SI: variants seen among roughly 807,000 people sequenced by gnomAD.
The protein encoded by SI is sucrase-isomaltase.
A neutral mutation model predicts 253.3 loss-of-function variants in SI; 235 were observed. The ratio of observed to expected loss-of-function variants is 0.93; its 90% confidence interval spans 0.83 to 1.03. The LOEUF (loss-of-function observed/expected upper bound fraction) is 1.03, where lower values mean the gene tolerates loss of function less well. Among genes scored for constraint, SI ranks in the 50% least tolerant of loss-of-function variants. The probability of loss-of-function intolerance (pLI) is 0.00; values close to 1 mark genes in which losing one functional copy is unlikely to be tolerated. For missense variants in SI, 2,442 were observed against 2,211.1 expected (o/e 1.10, Z -2.09); for synonymous variants, 819 against 712.0 (o/e 1.15, Z -2.39).
At chr3:165,011,718 T>C (rs1285713092) in intron 34 of SI, among the ~76,000 whole-genome samples, 1 of 148,808 alleles carries the variant, frequency 6.7e-6, no homozygotes, top group African/African-American at 2.5e-5. Context: ...TATTGTTCTA[T>C]TTATGTATTA....
chr3:164,982,858 C>T (rs1290858843), intron 46 of SI, 144 bp downstream of exon 46: 4 of 677,022 alleles, frequency 5.9e-6, no homozygotes, highest in South Asian at 1.8e-5. Context: ...ATTATGTTGC[C>T]CAGACAGGTC....
chr3:165,005,487 A>G (rs1232689172), intron 37 of SI, among the ~76,000 whole-genome samples: 1 of 152,076 alleles, frequency 6.6e-6, no homozygotes, highest in Non-Finnish European at 1.5e-5. Context: ...TGTGCACATG[A>G]CACTTAAAAA....
intron 34 of SI, among the ~76,000 whole-genome samples, chr3:165,012,426 G>GTTGTT (rs1008144085): frequency 3.3e-5 from 5 of 151,912 alleles, no homozygotes; most frequent in Non-Finnish European, 7.4e-5. Context: ...TTTTGTCGTT[G>GTTGTT]TTGTTTTGTT....
intron 47 of SI, among the ~76,000 whole-genome samples, chr3:164,982,014 T>A (rs138718019): frequency 6.6e-6 from 1 of 152,262 alleles, no homozygotes; most frequent in Admixed American, 6.5e-5. Flanking sequence ...TTAATTTTGC[T>A]GTGATTGTAT....
intron 34 of SI, among the ~76,000 whole-genome samples, chr3:165,010,789 T>C (rs1262311249): frequency 6.6e-6 from 1 of 152,164 alleles, no homozygotes; most frequent in East Asian, 1.9e-4. Flanking sequence ...TGGAAGAGAA[T>C]CCCAGGGAAT....
At chr3:165,063,693 ATAT>A in intron 7 of SI, 152 bp from the exon 8 acceptor site, 1 of 452,112 alleles carries the variant, frequency 2.2e-6, no homozygotes, top group East Asian at 3.7e-5. Context: ...TACCAGTGAA[ATAT>A]TATAGGTAAA....
chr3:165,039,456 C>G (rs1712704057), intron 19 of SI, among the ~76,000 whole-genome samples: 1 of 152,058 alleles, frequency 6.6e-6, no homozygotes, highest in South Asian at 2.1e-4. Flanking sequence ...TGGACACATG[C>G]ACCTTTTAAA....
At chr3:164,981,109 AG>A (rs1432860715) in intron 47 of SI, among the ~76,000 whole-genome samples, 1 of 152,060 alleles carries the variant, frequency 6.6e-6, no homozygotes, top group East Asian at 1.9e-4. Flanking sequence ...TAAAAATATG[AG>A]TGTAAGGCAC....
rs147742320 is a variant in SI at position 164,982,345 on chromosome 3, G to A, written c.5313C>T (p.Ser1771=). 3 of 1,612,486 alleles carry A rather than the reference G, an allele frequency of 1.9e-6. No individual in the cohort carries two copies. The highest frequency in any genetic ancestry group is 2.5e-6 in the Non-Finnish European group (3 of 1,178,958). The part of the protein sequence containing the change: ...YINKSETRLG[S]LHVWGKGTTP... ...TAGTTCCTTTCCCCCATACATGAAGGGATCCAAGCCTCGTTTCACTTTTAT... is the reference window on the plus strand; with the variant it reads ...TAGTTCCTTTCCCCCATACATGAAGAGATCCAAGCCTCGTTTCACTTTTAT... The change falls in exon 47 of 48, where the codon TCC becomes TCT. Residue 1771 remains serine, a synonymous_variant. Transcript: ENST00000264382.
At chr3:165,089,064 C>T in the SI span, among the ~76,000 whole-genome samples, 5 of 142,296 alleles carry the variant, frequency 3.5e-5, no homozygotes, top group African/African-American at 1.3e-4. Flanking sequence ...TAACTTTTTA[C>T]GGCCTTTTCT....
Position 165,059,249 on chromosome 3 carries a change from A to C in SI, c.1197T>G (p.Thr399=), listed in dbSNP as rs561354643. The C allele has an allele frequency of 6.2e-7, 1 of 1,612,850 alleles. No individual in the cohort carries two copies. The highest frequency in any genetic ancestry group is 1.1e-5 in the South Asian group (1 of 91,078). ...IDYMEDKKDF[T]YDQVAFNGLP... ...GTCCGTTAAACGCAACTTGATCATA[A>C]GTAAAGTCTTTCTTGTCTTCCATGT... The change falls in exon 11 of 48, where the codon ACT becomes ACG. Residue 399 remains threonine, a synonymous_variant. Transcript: ENST00000264382.
At chr3:165,008,621 T>G (rs1402145881) in intron 35 of SI, among the ~76,000 whole-genome samples, 2 of 152,006 alleles carry the variant, frequency 1.3e-5, no homozygotes, top group Non-Finnish European at 2.9e-5. Context: ...CATGAATTTT[T>G]AAACAAAATA....
intron 15 of SI, among the ~76,000 whole-genome samples, chr3:165,047,816 T>C (rs1475159919): frequency 1.4e-5 from 2 of 145,728 alleles, no homozygotes; most frequent in Non-Finnish European, 3.0e-5. Context: ...CAGGCAAGGT[T>C]GGGATAAAAC....
intron 44 of SI, among the ~76,000 whole-genome samples, chr3:164,990,309 T>A (rs1247212677): frequency 6.6e-6 from 1 of 152,144 alleles, no homozygotes; most frequent in Admixed American, 6.6e-5. Flanking sequence ...ATCTTCCACA[T>A]GTCAGAAACA....
At chr3:165,070,871 A>G (rs1184721890) in intron 3 of SI, among the ~76,000 whole-genome samples, 1 of 152,098 alleles carries the variant, frequency 6.6e-6, no homozygotes, top group Admixed American at 6.6e-5. Flanking sequence ...TCAAGGTGTC[A>G]GCAGAGCCAT....
chr3:165,000,556 C>A (rs1055012118), intron 37 of SI, among the ~76,000 whole-genome samples: 10 of 151,356 alleles, frequency 6.6e-5, no homozygotes, highest in Admixed American at 4.6e-4. Flanking sequence ...TCCATATTTA[C>A]TATTGTTAAT....
At chr3:165,019,374 C>A (rs1289070318) in intron 28 of SI, among the ~76,000 whole-genome samples, 2 of 151,916 alleles carry the variant, frequency 1.3e-5, no homozygotes, top group Non-Finnish European at 2.9e-5. Context: ...AGCCTGGCTT[C>A]TCACAGTAGT....
intron 34 of SI, among the ~76,000 whole-genome samples, chr3:165,011,647 G>T (rs78813725): frequency 0.064 from 9,737 of 151,172 alleles, 1,031 homozygotes; most frequent in African/African-American, 0.23. Flanking sequence ...GTTAAAAACT[G>T]CTGTTTCTTT....
At chr3:165,088,622 C>CA in the SI span, among the ~76,000 whole-genome samples, 102 of 152,096 alleles carry the variant, frequency 6.7e-4, no homozygotes, top group Admixed American at 1.9e-3. Flanking sequence ...GCCTGGGCGA[C>CA]AGAGTGAAGA....
Sources: allele counts gnomAD v4.1 joint callset (sites outside exome capture counted in the v4.1 genomes callset), GRCh38; gene constraint gnomAD v4.1.1; transcripts MANE v1.5; gene names NCBI Gene and HGNC (gene_info 2026-07-23, HGNC 2026-07-21).